The following RGS10 variants were observed in gnomAD, a reference collection of about 807,000 sequenced individuals.
RGS10 encodes the protein regulator of G-protein signalling 10.
RGS10 carries 11 observed loss-of-function variants against 23.5 expected under a neutral mutation model. That is an observed-to-expected ratio of 0.47 (90% confidence interval 0.29 to 0.77). RGS10 has a LOEUF of 0.77. RGS10 is among the 30% of genes least tolerant of loss of function. The pLI, the probability that RGS10 is intolerant of heterozygous loss-of-function variation, is 0.08. For synonymous variants in RGS10, 77 were observed against 83.2 expected (o/e 0.92, Z 0.41); for missense variants, 180 against 226.3 (o/e 0.80, Z 1.31).
At position 119,542,694 on chromosome 10, in the gene RGS10, C is replaced by T; in HGVS notation, c.-56G>A. The T allele has an allele frequency of 1.5e-6, 2 of 1,317,308 alleles. No individual in the cohort carries two copies. The highest frequency in any genetic ancestry group is 9.7e-7 in the Non-Finnish European group (1 of 1,029,558). 81.6% of individuals were successfully genotyped at this position (1,317,308 alleles called of 1,614,324 possible). A position where few individuals can be genotyped will look rare whatever the true frequency, so the allele number is the denominator to read the frequency against. ...CAGCCCGGCGGCGCGGCGGCTGAGC[C>T]GGAGGAAGGCGAGGAGGAGGAGGAG... On this transcript the variant is annotated 5_prime_UTR_variant, in exon 1 of 5. Coordinates refer to ENST00000369103, the MANE Select transcript of RGS10 (RefSeq NM_001005339.2).
At chr10:119,520,809 C>CAAAAAAAAAAAA (rs58487462) in intron 3 of RGS10, among the ~76,000 whole-genome samples, 2 of 126,090 alleles carry the variant, frequency 1.6e-5, no homozygotes, top group African/African-American at 6.1e-5. Context: ...TCTCCAAAAG[C>CAAAAAAAAAAAA]AAAAAAAAAA....
chr10:119,536,505 C>T, intron 1 of RGS10: 1 of 1,610,624 alleles, frequency 6.2e-7, no homozygotes, highest in Non-Finnish European at 8.5e-7. Flanking sequence ...CCACGCAGAC[C>T]AACAATCCAC....
At chr10:119,537,627 A>G (rs1844401725) in intron 1 of RGS10, among the ~76,000 whole-genome samples, 1 of 152,132 alleles carries the variant, frequency 6.6e-6, no homozygotes, top group Non-Finnish European at 1.5e-5. Flanking sequence ...CCAGAAATGA[A>G]AGGTGGGGGC....
intron 3 of RGS10, among the ~76,000 whole-genome samples, chr10:119,525,404 C>A: frequency 6.6e-6 from 1 of 152,222 alleles, no homozygotes; most frequent in East Asian, 1.9e-4. Context: ...ACATGACTTA[C>A]TGGCTCCTGC....
Position 119,505,848 on chromosome 10 carries a change from T to A in RGS10, c.400-5589A>T, listed in dbSNP as rs1298704677. Among the ~76,000 whole-genome samples, 6 of 152,190 alleles carry A rather than the reference T, an allele frequency of 3.9e-5. No homozygotes were observed. In the East Asian group the frequency reaches 1.2e-3, roughly 29 times the overall value. On this transcript the variant is annotated intron_variant, in intron 4 of 4. Coordinates refer to ENST00000369103, the MANE Select transcript of RGS10 (RefSeq NM_001005339.2). ...AAGTACAGAAGACCTAAACAAAACA[T>A]GCATCCTCTCTTCTCTTCAAAACCC...
intron 3 of RGS10, among the ~76,000 whole-genome samples, chr10:119,516,113 G>A (rs1015360551): frequency 5.3e-5 from 8 of 152,068 alleles, no homozygotes; most frequent in African/African-American, 1.9e-4. Flanking sequence ...TTAGCCAGGC[G>A]TGGTGGTGCA....
At chr10:119,511,684 C>T (rs1844077568) in intron 4 of RGS10, among the ~76,000 whole-genome samples, 1 of 152,082 alleles carries the variant, frequency 6.6e-6, no homozygotes, top group African/African-American at 2.4e-5. Context: ...ATACGCCGAC[C>T]TCAATTTCAC....
chr10:119,532,168 A>G (rs1201980118), intron 1 of RGS10, among the ~76,000 whole-genome samples: 4 of 152,126 alleles, frequency 2.6e-5, no homozygotes, highest in Non-Finnish European at 4.4e-5. Flanking sequence ...CTGTCTTTCA[A>G]GTTTAAGGCT....
In RGS10 at chr10:119,533,039, C is replaced by CAAA. The variant is rs537478454; in HGVS notation, c.50-5618_50-5616dup. On this transcript the variant is annotated intron_variant, in intron 1 of 4. Transcript: ENST00000369103. ...TGGGTGACAGAGCCAGACGCTGTCT[C>CAAA]AAAAAAAAAAAAAAAAAATCATAAA... Among the ~76,000 whole-genome samples the CAAA allele has an allele frequency of 1.3e-3, 137 of 103,622 alleles. 6 individuals are homozygous for CAAA. Among genetic ancestry groups the CAAA allele is most frequent in the African/African-American group, 5.1e-3 (127 of 24,896 alleles). 68.0% of individuals were successfully genotyped at this position (103,622 alleles called of 152,430 possible).
At chr10:119,540,105 C>T (rs1353814290) in intron 1 of RGS10, among the ~76,000 whole-genome samples, 1 of 151,140 alleles carries the variant, frequency 6.6e-6, no homozygotes, top group African/African-American at 2.4e-5. Flanking sequence ...CAGGCAAGAA[C>T]TTATGTTATT....
chr10:119,531,061 C>T (rs927070870), intron 1 of RGS10, among the ~76,000 whole-genome samples: 2 of 152,182 alleles, frequency 1.3e-5, no homozygotes, highest in Non-Finnish European at 2.9e-5. Flanking sequence ...GTGGCAAGTT[C>T]CTGAACACTG....
chr10:119,524,926 T>C lies in RGS10; in HGVS notation c.255+1106A>G, dbSNP rs1844256506. The stretch of plus-strand genomic sequence containing the variant: ...AAGGCCTTTGAATAAACCCATGATA[T>C]ACATTTTCCAAGCAGTTGTCTGCAA... On this transcript the variant is annotated intron_variant, in intron 3 of 4. Transcript: ENST00000369103. The surrounding 1 kb of genome is among the most constrained non-coding windows in gnomAD (Gnocchi z 5.2). Among the ~76,000 whole-genome samples the C allele has an allele frequency of 6.6e-6, 1 of 152,092 alleles. No individual in the cohort carries two copies. Among genetic ancestry groups the C allele is most frequent in the African/African-American group, 2.4e-5 (1 of 41,406 alleles).
chr10:119,512,903 A>G (rs1844095378), intron 4 of RGS10, among the ~76,000 whole-genome samples: 1 of 152,210 alleles, frequency 6.6e-6, no homozygotes, highest in Admixed American at 6.5e-5. Context: ...TACATTCAGC[A>G]GTTTGGACTG....
chr10:119,512,154 G>A (rs572742352), intron 4 of RGS10, among the ~76,000 whole-genome samples: 2 of 152,128 alleles, frequency 1.3e-5, no homozygotes, highest in African/African-American at 4.8e-5. Flanking sequence ...CTAAGTTCGG[G>A]GGCGGCGGTG....
At chr10:119,502,219 C>T (rs1188119615) in intron 4 of RGS10, among the ~76,000 whole-genome samples, 1 of 152,062 alleles carries the variant, frequency 6.6e-6, no homozygotes, top group African/African-American at 2.4e-5. Context: ...CGCCATTACT[C>T]CTTCATGGCC....
rs1000089163 is a variant in RGS10 at position 119,524,350 on chromosome 10, A to G, written c.255+1682T>C. On this transcript the variant is annotated intron_variant, in intron 3 of 4. Transcript: ENST00000369103. The surrounding 1 kb of genome is among the most constrained non-coding windows in gnomAD (Gnocchi z 5.2). ...ACTTCAGGGAGCTAGTTCAAGTCCTAGCTCTGCCACGGTGCGGGGACCTCA... is the reference window on the plus strand; with the variant it reads ...ACTTCAGGGAGCTAGTTCAAGTCCTGGCTCTGCCACGGTGCGGGGACCTCA... Among the ~76,000 whole-genome samples the G allele has an allele frequency of 1.3e-5, 2 of 152,184 alleles. No individual in the cohort carries two copies. The highest frequency in any genetic ancestry group is 4.8e-5 in the African/African-American group (2 of 41,452).
At chr10:119,510,446 A>C (rs1844064074) in intron 4 of RGS10, among the ~76,000 whole-genome samples, 1 of 152,050 alleles carries the variant, frequency 6.6e-6, no homozygotes, top group African/African-American at 2.4e-5. Context: ...TCACCTCTCC[A>C]GGGAGCCCTC....
rs1182023724 is a variant in RGS10 at position 119,517,711 on chromosome 10, T to C, written c.256-2059A>G. Among the ~76,000 whole-genome samples, 1 of 152,060 alleles carries C rather than the reference T, an allele frequency of 6.6e-6. No homozygotes were observed. The highest frequency in any genetic ancestry group is 1.5e-5 in the Non-Finnish European group (1 of 68,006). On this transcript the variant is annotated intron_variant, in intron 3 of 4. Coordinates refer to ENST00000369103, the MANE Select transcript of RGS10 (RefSeq NM_001005339.2). The surrounding 1 kb of genome is among the most constrained non-coding windows in gnomAD (Gnocchi z 5.0). ...ACACACGTGCACACACGCACACACA[T>C]ACACACATGAATCCAGGATATCTTG...
rs1380155592 is a variant in RGS10 at position 119,512,291 on chromosome 10, C to A, written c.399+3218G>T. ...CTTGTGGCTCCAAACATGTTCCCCTCAGCTTCAATCTCCTTCACTTAGGAA... is the reference window on the plus strand; with the variant it reads ...CTTGTGGCTCCAAACATGTTCCCCTAAGCTTCAATCTCCTTCACTTAGGAA... On this transcript the variant is annotated intron_variant, in intron 4 of 4. Coordinates refer to ENST00000369103, the MANE Select transcript of RGS10 (RefSeq NM_001005339.2). Among the ~76,000 whole-genome samples the A allele has an allele frequency of 3.9e-5, 6 of 152,296 alleles. No homozygotes were observed. The East Asian group carries it at 1.2e-3, about 29-fold the overall frequency.
Sources: gnomAD v4.1 joint callset for allele counts (sites outside exome capture counted in the v4.1 genomes callset) on GRCh38, gnomAD v4.1.1 for gene constraint, Gnocchi (gnomAD v3.1) non-coding constraint, MANE v1.5 for transcripts, NCBI Gene and HGNC (gene_info 2026-07-23, HGNC 2026-07-21) for gene names.